DMD: variants seen among roughly 807,000 people sequenced by gnomAD.
The protein encoded by DMD is dystrophin, also known as mutant dystrophin.
DMD carries 63 observed loss-of-function variants against 330.1 expected under a neutral mutation model. The ratio of observed to expected loss-of-function variants is 0.19; its 90% CI spans 0.16 to 0.24. The LOEUF (loss-of-function observed/expected upper bound fraction) is 0.24. Among genes scored for constraint, DMD ranks in the 10% least tolerant of loss-of-function variants. The pLI, the probability that DMD is intolerant of heterozygous loss-of-function variation, is 1.00. For missense variants in DMD, 3,344 were observed against 2,684.1 expected (o/e 1.25, Z -5.43); for synonymous variants, 1,223 against 959.8 (o/e 1.27, Z -5.07).
chrX:32,293,097 T>C (rs997293532), intron 42 of DMD, among the ~76,000 whole-genome samples: 1 of 112,565 alleles, frequency 8.9e-6, no homozygotes, highest in Non-Finnish European at 1.9e-5. Flanking sequence ...AATTTAACTC[T>C]GTGGAAAAAG....
chrX:31,625,918 CTT>C (rs766184914), intron 55 of DMD, among the ~76,000 whole-genome samples: 124 of 111,721 alleles, frequency 1.1e-3, no homozygotes, highest in Middle Eastern at 8.4e-3. Context: ...CTAAAATAGA[CTT>C]AATCAAAGCT....
chrX:32,016,139 T>C (rs1008344407), intron 44 of DMD, among the ~76,000 whole-genome samples: 1 of 112,160 alleles, frequency 8.9e-6, no homozygotes, highest in African/African-American at 3.2e-5. Context: ...TTATGCAATC[T>C]GCAGTCATGA....
chrX:32,654,610 TC>T lies in DMD; in HGVS notation c.961-9459del, dbSNP rs1293843638. On this transcript the variant is annotated intron_variant, in intron 9 of 78. Transcript: ENST00000357033. ...CATCAAGGATATTGGTCTAAAATTC[TC>T]TTTTTTTTGTTTTGTCTCTGCCAGG... 5.0e-5 allele frequency among the ~76,000 whole-genome samples: 5 copies of T among 99,684 alleles called. No individual in the cohort carries two copies. The East Asian group carries it at 8.5e-4, about 17-fold the overall frequency. 86.6% of individuals were successfully genotyped at this position (99,684 alleles called of 115,157 possible). A position where few individuals can be genotyped will look rare whatever the true frequency, so the allele number is the denominator to read the frequency against.
At chrX:31,336,256 C>A (rs149611430) in intron 61 of DMD, among the ~76,000 whole-genome samples, 1,284 of 98,005 alleles carry the variant, frequency 0.013, 20 homozygotes, top group African/African-American at 0.049. Context: ...CAACTAGGGG[C>A]AATTTCACCC....
At chrX:32,666,040 A>T (rs2061279683) in intron 9 of DMD, among the ~76,000 whole-genome samples, 1 of 111,110 alleles carries the variant, frequency 9.0e-6, no homozygotes, top group African/African-American at 3.3e-5. Context: ...AAATGAATTG[A>T]TGAGATATAT....
intron 44 of DMD, among the ~76,000 whole-genome samples, chrX:32,099,735 A>T: frequency 1.4e-5 from 1 of 69,404 alleles, no homozygotes. Flanking sequence ...CACCCTGGGA[A>T]CTGTTGTGGG....
chrX:31,499,112 G>C (rs954938074), intron 56 of DMD, among the ~76,000 whole-genome samples: 2 of 111,829 alleles, frequency 1.8e-5, no homozygotes, highest in Admixed American at 1.9e-4. Flanking sequence ...GAGAGGTAGG[G>C]CTCAGACATG....
intron 48 of DMD, among the ~76,000 whole-genome samples, chrX:31,845,166 G>A (rs2093395684): frequency 9.0e-6 from 1 of 110,598 alleles, no homozygotes; most frequent in South Asian, 3.8e-4. Context: ...TGTGAGCACA[G>A]AAGACTGCTC....
At chrX:32,893,216 CCTA>C (rs2085377210) in intron 2 of DMD, among the ~76,000 whole-genome samples, 1 of 111,860 alleles carries the variant, frequency 8.9e-6, no homozygotes, top group Non-Finnish European at 1.9e-5. Context: ...AATGGTTTCG[CCTA>C]CTTATTTGGT....
chrX:32,338,427 G>T (rs2097725671), intron 41 of DMD, among the ~76,000 whole-genome samples: 1 of 108,608 alleles, frequency 9.2e-6, no homozygotes, highest in Non-Finnish European at 1.9e-5. Context: ...GATGTTTGAG[G>T]GATTAATTAT....
At chrX:32,008,969 C>CTGA (rs774057201) in intron 44 of DMD, among the ~76,000 whole-genome samples, 1 of 111,649 alleles carries the variant, frequency 9.0e-6, no homozygotes, top group East Asian at 2.8e-4. Context: ...TAGAAAGCCA[C>CTGA]TGATACGTTT....
chrX:31,721,307 T>C (rs1016583008), intron 52 of DMD, among the ~76,000 whole-genome samples: 1 of 110,915 alleles, frequency 9.0e-6, no homozygotes, highest in Non-Finnish European at 1.9e-5. Context: ...GATGTTGCTG[T>C]GAAGGTATTT....
intron 63 of DMD, among the ~76,000 whole-genome samples, chrX:31,230,487 A>T (rs2047085823): frequency 9.0e-6 from 1 of 110,602 alleles, no homozygotes; most frequent in Admixed American, 9.6e-5. Flanking sequence ...TCTCTATTAA[A>T]AACACAAAAA....
intron 2 of DMD, among the ~76,000 whole-genome samples, chrX:32,885,454 TAA>T (rs765602320): frequency 1.8e-5 from 2 of 111,785 alleles, no homozygotes; most frequent in African/African-American, 3.2e-5. Flanking sequence ...CATATTTTCA[TAA>T]ATATTAAGCT....
intron 55 of DMD, among the ~76,000 whole-genome samples, chrX:31,622,877 T>TATATATATATAC (rs1361969125): frequency 8.5e-5 from 6 of 70,309 alleles, no homozygotes; most frequent in South Asian, 1.5e-3. Flanking sequence ...TATATATATA[T>TATATATATATAC]ACACACACAC....
chrX:32,707,963 G>C (rs962587509), intron 7 of DMD, among the ~76,000 whole-genome samples: 3 of 111,835 alleles, frequency 2.7e-5, no homozygotes, highest in African/African-American at 9.7e-5. Context: ...CTTTGCTTTT[G>C]ACCTAACCAA....
In DMD at chrX:31,261,918, G is replaced by A. The variant is rs143871659; in HGVS notation, c.9225-902C>T. 12 of 112,087 alleles carry A rather than the reference G, an allele frequency of 1.1e-4. No homozygotes were observed. In the East Asian group the frequency reaches 3.4e-3, roughly 31 times the overall value. 9.2% of individuals were successfully genotyped at this position (112,087 alleles called of 1,213,427 possible). ...AAAATGCAGTTCTGAATGATATTTG[G>A]GTACTCATATGCAGAGCCTATTCAT... On this transcript the variant is annotated intron_variant, in intron 62 of 78. Transcript: ENST00000357033.
intron 44 of DMD, among the ~76,000 whole-genome samples, chrX:32,171,410 G>C (rs59912353): frequency 3.6e-5 from 4 of 110,845 alleles, no homozygotes; most frequent in Non-Finnish European, 5.7e-5. Flanking sequence ...TCAGCAATAC[G>C]TAAAGATATC....
intron 44 of DMD, among the ~76,000 whole-genome samples, chrX:32,028,183 G>A (rs748933327): frequency 7.2e-5 from 8 of 111,258 alleles, no homozygotes; most frequent in Admixed American, 9.6e-5. Context: ...ATAAATGAAC[G>A]TGCCTTACTC....
Sources: allele counts gnomAD v4.1 joint callset (sites outside exome capture counted in the v4.1 genomes callset), GRCh38; gene constraint gnomAD v4.1.1; transcripts MANE v1.5; gene names NCBI Gene and HGNC (gene_info 2026-07-23, HGNC 2026-07-21).